TANC2: variants seen among roughly 807,000 people sequenced by gnomAD.
TANC2 encodes tetratricopeptide repeat, ankyrin repeat and coiled-coil containing 2.
Under a neutral mutation model 210.5 loss-of-function variants are expected in TANC2, and 26 were observed. That is an observed-to-expected ratio of 0.12 (90% CI 0.09 to 0.17). The LOEUF (loss-of-function observed/expected upper bound fraction) is 0.17. Ranked by LOEUF, TANC2 falls within the 10% of genes least tolerant of loss-of-function variation. The pLI is 1.00. For synonymous variants in TANC2, 931 were observed against 967.1 expected (o/e 0.96, Z 0.69); for missense variants, 2,129 against 2,608.9 (o/e 0.82, Z 4.01).
At chr17:63,025,004 A>G (rs919614128) in intron 2 of TANC2, among the ~76,000 whole-genome samples, 1 of 152,218 alleles carries the variant, frequency 6.6e-6, no homozygotes, top group Non-Finnish European at 1.5e-5. Context: ...ACTTTGAGAA[A>G]TTTGTGTAAG....
At chr17:63,187,766 T>G (rs1289847426) in intron 5 of TANC2, among the ~76,000 whole-genome samples, 1 of 151,410 alleles carries the variant, frequency 6.6e-6, no homozygotes, top group Non-Finnish European at 1.5e-5. Context: ...TTAAAATCAG[T>G]CAGAAAAATC....
chr17:63,358,850 A>G (rs2046866029), intron 14 of TANC2, among the ~76,000 whole-genome samples: 1 of 152,104 alleles, frequency 6.6e-6, no homozygotes, highest in Admixed American at 6.5e-5. Context: ...TTACTGCTTA[A>G]TATTTCTATA....
At chr17:63,091,826 G>T (rs888807030) in intron 3 of TANC2, among the ~76,000 whole-genome samples, 1 of 152,102 alleles carries the variant, frequency 6.6e-6, no homozygotes, top group Non-Finnish European at 1.5e-5. Context: ...TCACAATATT[G>T]ATTCTTCCTA....
intron 7 of TANC2, among the ~76,000 whole-genome samples, chr17:63,223,304 T>TC (rs1196957150): frequency 6.6e-6 from 1 of 152,068 alleles, no homozygotes; most frequent in Non-Finnish European, 1.5e-5. Context: ...AAGAAAGAGT[T>TC]CAAGAGTGAG....
intron 2 of TANC2, among the ~76,000 whole-genome samples, chr17:63,066,849 A>G (rs1030704625): frequency 4.6e-5 from 7 of 152,130 alleles, no homozygotes; most frequent in South Asian, 2.1e-4. Flanking sequence ...TCAGGGTACC[A>G]AAAGAGGAGT....
chr17:63,340,224 C>T (rs1489982477), exon 12 of TANC2: 2 of 1,613,962 alleles, frequency 1.2e-6, no homozygotes, highest in Non-Finnish European at 8.5e-7. Flanking sequence ...GGAGCAGCTT[C>T]TTCGGGAACC....
intron 12 of TANC2, among the ~76,000 whole-genome samples, chr17:63,345,449 G>A (rs1178322189): frequency 6.6e-6 from 1 of 152,020 alleles, no homozygotes; most frequent in Non-Finnish European, 1.5e-5. Flanking sequence ...GAGAAACCCT[G>A]TCTCTACTAA....
chr17:63,158,319 A>G (rs1409221393), intron 5 of TANC2, among the ~76,000 whole-genome samples: 1 of 152,250 alleles, frequency 6.6e-6, no homozygotes, highest in Admixed American at 6.5e-5. Flanking sequence ...TACTTAGCAC[A>G]ATGCCTGGAA....
intron 18 of TANC2, among the ~76,000 whole-genome samples, chr17:63,397,715 A>G (rs1266702759): frequency 6.6e-6 from 1 of 152,262 alleles, no homozygotes; most frequent in Non-Finnish European, 1.5e-5. Flanking sequence ...CATGCAGACA[A>G]GACATGCACA....
At chr17:63,335,314 T>C (rs2045988336) in intron 11 of TANC2, among the ~76,000 whole-genome samples, 2 of 152,098 alleles carry the variant, frequency 1.3e-5, no homozygotes, top group Non-Finnish European at 2.9e-5. Context: ...ATCAGTACCC[T>C]TCAAAAGTGT....
chr17:63,381,571 C>G (rs1489860306), intron 15 of TANC2: 11 of 152,206 alleles, frequency 7.2e-5, no homozygotes, highest in Admixed American at 3.9e-4. Context: ...CAGTGACACA[C>G]AATCCAATGG....
rs764173544 is a variant in TANC2 at position 63,354,806 on chromosome 17, C to G, written c.1998C>G (p.Phe666Leu). 30 of 1,576,438 alleles carry G rather than the reference C, an allele frequency of 1.9e-5. No individual in the cohort carries two copies. Among genetic ancestry groups the G allele is most frequent in the Non-Finnish European group, 2.3e-5 (27 of 1,165,744 alleles). ...AGGAAATTACCAAGCTGCTGCCTTT[C>G]CATAGGATTTTTTTGGATCGACTAG... Residue 666 changes from phenylalanine to leucine, a missense_variant, in exon 14 of 28, where the codon TTC (phenylalanine) becomes TTG (leucine). Phe to Leu is a conservative substitution (Grantham distance 22). Around this residue, in one of 5 missense-constraint regions of TANC2, gnomAD observed 739 missense variants for 848.0 expected, o/e 0.87. Transcript: ENST00000689528.
chr17:63,345,480 G>A (rs532729728), intron 12 of TANC2, among the ~76,000 whole-genome samples: 15 of 152,078 alleles, frequency 9.9e-5, no homozygotes, highest in Non-Finnish European at 1.8e-4. Flanking sequence ...TTAGCCGGGC[G>A]TGGTGGCACA....
chr17:63,389,195 A>G (rs1042742608), intron 16 of TANC2, 113 bp from the exon 17 acceptor site: 1 of 779,590 alleles, frequency 1.3e-6, no homozygotes, highest in Non-Finnish European at 2.0e-6. Flanking sequence ...AAATAAAGCA[A>G]TTACTAAATG....
At chr17:63,051,504 G>C (rs1408584258) in intron 2 of TANC2, among the ~76,000 whole-genome samples, 1 of 152,112 alleles carries the variant, frequency 6.6e-6, no homozygotes, top group African/African-American at 2.4e-5. Context: ...GTATGTTGAG[G>C]GGGATACATG....
chr17:63,206,669 A>G (rs2041721424), intron 7 of TANC2, among the ~76,000 whole-genome samples: 1 of 152,138 alleles, frequency 6.6e-6, no homozygotes, highest in African/African-American at 2.4e-5. Flanking sequence ...TAGAGACAAA[A>G]AGTAGAATAG....
chr17:63,248,675 C>A (rs1261116134), intron 8 of TANC2, among the ~76,000 whole-genome samples: 2 of 152,014 alleles, frequency 1.3e-5, no homozygotes, highest in Non-Finnish European at 1.5e-5. Context: ...TCTGGCATGA[C>A]CAGGAAATTT....
chr17:62,998,812 A>G (rs1212573521), intron 1 of TANC2, among the ~76,000 whole-genome samples: 2 of 152,234 alleles, frequency 1.3e-5, no homozygotes, highest in Admixed American at 6.5e-5. Flanking sequence ...ACTTAAGTAC[A>G]TAGACAGTTG....
chr17:63,299,788 T>TA (rs2044652998), intron 9 of TANC2, among the ~76,000 whole-genome samples: 2 of 152,212 alleles, frequency 1.3e-5, no homozygotes, highest in African/African-American at 4.8e-5. Flanking sequence ...TTAGTTTACT[T>TA]AGATCCCACT....
Sources: allele counts gnomAD v4.1 joint callset (sites outside exome capture counted in the v4.1 genomes callset), GRCh38; gene constraint gnomAD v4.1.1; regional missense constraint gnomAD v4.1.1; transcripts MANE v1.5; gene names NCBI Gene and HGNC (gene_info 2026-07-23, HGNC 2026-07-21).